ST3GAL5: variants seen among roughly 807,000 people sequenced by gnomAD.
ST3GAL5 encodes lactosylceramide alpha-2,3-sialyltransferase.
ST3GAL5 carries 25 observed loss-of-function variants against 46.1 expected under a neutral mutation model. That is an observed-to-expected ratio of 0.54 (90% CI 0.40 to 0.76). The LOEUF is 0.76. Among genes scored for constraint, ST3GAL5 ranks in the 30% least tolerant of loss-of-function variants. ST3GAL5 has a pLI of 0.00. For missense variants in ST3GAL5, 431 were observed against 521.2 expected, an observed-to-expected ratio of 0.83 and a Z score of 1.69; for synonymous variants, 182 against 192.7, an observed-to-expected ratio of 0.94 and a Z score of 0.46.
intron 6 of ST3GAL5, among the ~76,000 whole-genome samples, chr2:85,843,601 G>C (rs966017958): frequency 6.6e-6 from 1 of 151,996 alleles, no homozygotes; most frequent in African/African-American, 2.4e-5. Context: ...GATTTAGTAA[G>C]AGCTCTTTGT....
At chr2:85,872,368 A>G (rs1043206423) in intron 1 of ST3GAL5, among the ~76,000 whole-genome samples, 13 of 152,094 alleles carry the variant, frequency 8.5e-5, no homozygotes, top group African/African-American at 1.4e-4. Context: ...GGATCACCTG[A>G]GGTCAGGAGT....
intron 2 of ST3GAL5, 144 bp downstream of exon 2, chr2:85,863,218 G>A (rs1030990744): frequency 1.6e-5 from 23 of 1,469,222 alleles, no homozygotes; most frequent in Admixed American, 5.2e-5. Flanking sequence ...TTACTCAGAC[G>A]TGCCTTTGAA....
At chr2:85,881,133 T>C (rs1687100913) in intron 1 of ST3GAL5, among the ~76,000 whole-genome samples, 1 of 152,262 alleles carries the variant, frequency 6.6e-6, no homozygotes, top group African/African-American at 2.4e-5. Flanking sequence ...CTGCTTTTTC[T>C]GCTTCCTCAT....
intron 1 of ST3GAL5, among the ~76,000 whole-genome samples, chr2:85,867,112 G>A (rs891152742): frequency 6.6e-6 from 1 of 152,188 alleles, no homozygotes; most frequent in Non-Finnish European, 1.5e-5. Flanking sequence ...GCAACACAGT[G>A]AGACCCTGCC....
chr2:85,877,444 T>C (rs564972553), intron 1 of ST3GAL5, among the ~76,000 whole-genome samples: 1 of 152,378 alleles, frequency 6.6e-6, no homozygotes, highest in East Asian at 1.9e-4. Context: ...GTCCCTCAAC[T>C]GGAGTTTGTC....
intron 1 of ST3GAL5, chr2:85,875,577 A>C (rs1391121918): frequency 6.6e-6 from 1 of 152,192 alleles, no homozygotes; most frequent in Non-Finnish European, 1.5e-5. Flanking sequence ...AGAAACATGA[A>C]GCTTAGCTTA....
chr2:85,870,996 C>T (rs1361959650), intron 1 of ST3GAL5, among the ~76,000 whole-genome samples: 1 of 151,316 alleles, frequency 6.6e-6, no homozygotes, highest in African/African-American at 2.4e-5. Flanking sequence ...TTACAATGAT[C>T]AAATCAGGGT....
intron 1 of ST3GAL5, among the ~76,000 whole-genome samples, chr2:85,867,108 C>G (rs1032825362): frequency 2.0e-5 from 3 of 152,126 alleles, no homozygotes; most frequent in Admixed American, 2.0e-4. Flanking sequence ...CTGGGCAACA[C>G]AGTGAGACCC....
At chr2:85,885,670 T>C (rs1687659243) in intron 1 of ST3GAL5, among the ~76,000 whole-genome samples, 1 of 151,450 alleles carries the variant, frequency 6.6e-6, no homozygotes, top group African/African-American at 2.4e-5. Flanking sequence ...CTACTAAAAA[T>C]ACAAAAAATT....
Position 85,886,991 on chromosome 2 carries a change from C to T in ST3GAL5, c.82+1833G>A, listed in dbSNP as rs1046532555. Among the ~76,000 whole-genome samples the T allele has an allele frequency of 8.5e-5, 13 of 152,190 alleles. No individual in the cohort carries two copies. In the East Asian group the frequency reaches 2.5e-3, roughly 29 times the overall value. ...GCGGATTAAATCGCTCCTCAGGAGC[C>T]AGGAGGGTGTGGAAGGTGAGCTTTA... On this transcript the variant is annotated intron_variant, in intron 1 of 6. Transcript: ENST00000638572.
At chr2:85,853,202 G>A in intron 3 of ST3GAL5, 1 of 639,946 alleles carries the variant, frequency 1.6e-6, no homozygotes, top group Non-Finnish European at 2.4e-6. Flanking sequence ...TCTTTTGAGT[G>A]CAATTTCACA....
At chr2:85,864,582 T>TC (rs1458317560) in intron 1 of ST3GAL5, among the ~76,000 whole-genome samples, 2 of 64,640 alleles carry the variant, frequency 3.1e-5, no homozygotes, top group African/African-American at 1.1e-4. Context: ...AAGTGTTACA[T>TC]CAAAAAAAAA....
At chr2:85,875,144 C>T (rs751281880) in intron 1 of ST3GAL5, among the ~76,000 whole-genome samples, 8 of 152,210 alleles carry the variant, frequency 5.3e-5, no homozygotes, top group Non-Finnish European at 1.0e-4. Context: ...AGTGTAACCT[C>T]GAACTCCTAG....
Position 85,848,034 on chromosome 2 carries a change from C to T in ST3GAL5, c.489G>A (p.Gly163=), listed in dbSNP as rs1274801679. Reference sequence around the variant, plus strand: ...GGACTTTACTGGAGAACTTCCGGAACCCAAAAGGAGGATCGTACTTGGACT... The same window carrying T: ...GGACTTTACTGGAGAACTTCCGGAATCCAAAAGGAGGATCGTACTTGGACT... ...EAESKYDPPF[G]FRKFSSKVQT... The change falls in exon 4 of 7, where the codon GGG becomes GGA. Residue 163 remains glycine, a synonymous_variant. Coordinates refer to ENST00000638572, the MANE Select transcript of ST3GAL5 (RefSeq NM_003896.4). The T allele has an allele frequency of 3.1e-6, 5 of 1,614,120 alleles. No homozygotes were observed. In the South Asian group the frequency reaches 4.4e-5, roughly 14 times the overall value.
chr2:85,881,773 GC>G (rs1687179134), intron 1 of ST3GAL5, among the ~76,000 whole-genome samples: 1 of 102,778 alleles, frequency 9.7e-6, no homozygotes, highest in Admixed American at 1.1e-4. Context: ...AAAATTTGCA[GC>G]CTGACTATGT....
In ST3GAL5 at chr2:85,869,072, T is replaced by C. The variant is rs371410485; in HGVS notation, c.83-5587A>G. Among the ~76,000 whole-genome samples the C allele has an allele frequency of 7.0e-4, 107 of 152,306 alleles. 1 individual carries two copies. In the South Asian group the frequency reaches 0.022, roughly 31 times the overall value. ...TGTTTTGTCTTTGTTTTTTTAGAGA[T>C]AGGGTCTTGCTCTGTTGCCAAGGCA... is the stretch of plus-strand genomic sequence containing the variant. On this transcript the variant is annotated intron_variant, in intron 1 of 6. Coordinates refer to ENST00000638572, the MANE Select transcript of ST3GAL5 (RefSeq NM_003896.4).
At chr2:85,846,604 G>T (rs1169178146) in intron 4 of ST3GAL5, 41 bp from the exon 5 acceptor site, 3 of 1,594,994 alleles carry the variant, frequency 1.9e-6, no homozygotes, top group Admixed American at 3.3e-5. Context: ...GACAAAGCAG[G>T]CCATCAACCA....
chr2:85,851,335 T>G, intron 3 of ST3GAL5: 2 of 1,168,516 alleles, frequency 1.7e-6, no homozygotes, highest in Non-Finnish European at 2.1e-6. Flanking sequence ...AGTTTCTACA[T>G]GTCCTGGCAA....
At position 85,888,847 on chromosome 2, in the gene ST3GAL5, G is replaced by A; in HGVS notation, c.59C>T (p.Ala20Val). The A allele has an allele frequency of 7.5e-7, 1 of 1,324,738 alleles. No individual in the cohort carries two copies. 82.1% of individuals were successfully genotyped at this position (1,324,738 alleles called of 1,614,324 possible). Reference sequence around the variant, plus strand: ...ACCTCGGCCGGCAGGTGCCGCCGCTGCCTCGGTCCGCGGCTGCAGGGGACG... The same window carrying A: ...ACCTCGGCCGGCAGGTGCCGCCGCTACCTCGGTCCGCGGCTGCAGGGGACG... ...ERRPLQPRTE[A>V]AAAPAGRAMP... Residue 20 changes from alanine (A) to valine (V), a missense_variant, in exon 1 of 7, where the codon GCA (alanine) becomes GTA (valine). Physicochemically the swap from Ala to Val is moderately conservative, Grantham distance 64. Transcript: ENST00000638572.
Sources: allele counts gnomAD v4.1 joint callset (sites outside exome capture counted in the v4.1 genomes callset), GRCh38; gene constraint gnomAD v4.1.1; transcripts MANE v1.5; gene names NCBI Gene and HGNC (gene_info 2026-07-23, HGNC 2026-07-21).